The following CSMD1 variants were observed in gnomAD, a reference collection of about 807,000 sequenced individuals.
CSMD1 encodes the protein CUB and Sushi multiple domains 1.
CSMD1 carries 213 observed loss-of-function variants against 417.5 expected under a neutral mutation model. The observed-to-expected ratio is 0.51, with a 90% CI of 0.46 to 0.57. The LOEUF is 0.57. Ranked by LOEUF, CSMD1 falls within the 20% of genes least tolerant of loss-of-function variation. The probability of loss-of-function intolerance (pLI) is 0.00; values close to 1 mark genes in which losing one functional copy is unlikely to be tolerated. For missense variants in CSMD1, 6,923 were observed against 4,529.7 expected (o/e 1.53, Z -15.17); for synonymous variants, 2,862 against 1,736.8 (o/e 1.65, Z -16.11).
At chr8:3,153,180 G>A (rs1819307924) in intron 39 of CSMD1, among the ~76,000 whole-genome samples, 1 of 152,138 alleles carries the variant, frequency 6.6e-6, no homozygotes, top group African/African-American at 2.4e-5. Context: ...ACCTCTGGTT[G>A]TCCTCACTGC....
At chr8:3,116,033 C>A (rs1563059412) in intron 42 of CSMD1, among the ~76,000 whole-genome samples, 1 of 152,210 alleles carries the variant, frequency 6.6e-6, no homozygotes. Flanking sequence ...CTGGGAAAGA[C>A]TGAAGTGCCA....
chr8:4,637,597 G>A (rs758567042), intron 1 of CSMD1, 39 bp from the exon 2 acceptor site: 43 of 1,340,412 alleles, frequency 3.2e-5, no homozygotes, highest in Non-Finnish European at 4.3e-5. Context: ...ATATTATTCT[G>A]GCCATCTTTA....
intron 12 of CSMD1, among the ~76,000 whole-genome samples, chr8:3,428,790 T>C (rs1814019629): frequency 6.6e-6 from 1 of 152,130 alleles, no homozygotes; most frequent in Non-Finnish European, 1.5e-5. Context: ...ATAGCCAAGA[T>C]ACGGAAAGAA....
At chr8:4,503,890 C>T (rs1802387160) in intron 2 of CSMD1, among the ~76,000 whole-genome samples, 1 of 151,662 alleles carries the variant, frequency 6.6e-6, no homozygotes, top group South Asian at 2.1e-4. Context: ...ATTTTCCTCT[C>T]CTACCTGATT....
intron 5 of CSMD1, among the ~76,000 whole-genome samples, chr8:3,928,694 G>A (rs1046201390): frequency 1.3e-5 from 2 of 150,064 alleles, no homozygotes; most frequent in Non-Finnish European, 3.0e-5. Context: ...AATTGCTCCT[G>A]CTCTTTGGAT....
At chr8:3,945,577 A>G (rs1163485853) in intron 5 of CSMD1, among the ~76,000 whole-genome samples, 1 of 152,144 alleles carries the variant, frequency 6.6e-6, no homozygotes, top group Non-Finnish European at 1.5e-5. Flanking sequence ...AAATCTCTTA[A>G]AAGAACTCAC....
chr8:3,403,107 A>C (rs1442164330), intron 15 of CSMD1, among the ~76,000 whole-genome samples: 2 of 152,178 alleles, frequency 1.3e-5, no homozygotes, highest in African/African-American at 2.4e-5. Flanking sequence ...TTTAATTGGA[A>C]TATTACAGGG....
At chr8:4,311,553 T>G (rs1798572321) in intron 3 of CSMD1, among the ~76,000 whole-genome samples, 1 of 151,850 alleles carries the variant, frequency 6.6e-6, no homozygotes, top group African/African-American at 2.4e-5. Flanking sequence ...TGAAACCCTG[T>G]CTCTACTAAA....
chr8:4,425,548 G>C (rs949131626), intron 2 of CSMD1, among the ~76,000 whole-genome samples: 3 of 152,068 alleles, frequency 2.0e-5, no homozygotes, highest in Non-Finnish European at 4.4e-5. Context: ...GAGCTGGCAA[G>C]ACTCACTCCT....
At chr8:4,802,025 C>A (rs570629967) in intron 1 of CSMD1, among the ~76,000 whole-genome samples, 10 of 152,216 alleles carry the variant, frequency 6.6e-5, no homozygotes, top group African/African-American at 2.4e-4. Context: ...TGTAGACAGA[C>A]CATTTGCAAA....
intron 1 of CSMD1, among the ~76,000 whole-genome samples, chr8:4,829,097 G>A (rs565057872): frequency 7.2e-5 from 11 of 152,256 alleles, no homozygotes; most frequent in African/African-American, 2.2e-4. Context: ...TAACAAAGAG[G>A]TGGCTAATGG....
At chr8:4,974,122 T>A (rs890690400) in intron 1 of CSMD1, among the ~76,000 whole-genome samples, 3 of 152,138 alleles carry the variant, frequency 2.0e-5, no homozygotes, top group African/African-American at 7.2e-5. Flanking sequence ...TTGGGCTTGA[T>A]TCTTCTGCTT....
chr8:4,917,071 G>T (rs993057370), intron 1 of CSMD1, among the ~76,000 whole-genome samples: 1 of 152,174 alleles, frequency 6.6e-6, no homozygotes, highest in Admixed American at 6.5e-5. Context: ...AGGTTCGGTA[G>T]ACTATCTATA....
intron 15 of CSMD1, among the ~76,000 whole-genome samples, chr8:3,403,681 C>G (rs1812175894): frequency 6.6e-6 from 1 of 152,138 alleles, no homozygotes; most frequent in Non-Finnish European, 1.5e-5. Context: ...GTGTAGTGTT[C>G]ACTTTAAACT....
intron 26 of CSMD1, among the ~76,000 whole-genome samples, chr8:3,275,009 G>C (rs1328208339): frequency 7.0e-6 from 1 of 143,144 alleles, no homozygotes; most frequent in Non-Finnish European, 1.5e-5. Context: ...AGTTGATGCA[G>C]TTTCTTCCTA....
intron 2 of CSMD1, among the ~76,000 whole-genome samples, chr8:4,454,868 A>G (rs752580932): frequency 1.3e-5 from 2 of 152,192 alleles, no homozygotes; most frequent in Non-Finnish European, 2.9e-5. Flanking sequence ...AAAGAAACTT[A>G]ATCTAAATGG....
At position 3,022,802 on chromosome 8, in the gene CSMD1, G is replaced by C. The variant is rs184888462; in HGVS notation, c.7856-4152C>G. On this transcript the variant is annotated intron_variant, in intron 51 of 69. Coordinates refer to ENST00000635120, the MANE Select transcript of CSMD1 (RefSeq NM_033225.6). ...ATAAAAGGCTCAGTGGACTCACAATGGCTGTTTGCAAATACACGAAGGCAC... is the reference window on the plus strand; with the variant it reads ...ATAAAAGGCTCAGTGGACTCACAATCGCTGTTTGCAAATACACGAAGGCAC... Among the ~76,000 whole-genome samples the C allele has an allele frequency of 2.6e-5, 4 of 152,256 alleles. No homozygotes were observed. In the East Asian group the frequency reaches 7.7e-4, roughly 29 times the overall value.
In CSMD1 at chr8:2,937,140, T is replaced by C. The variant is rs920522871; in HGVS notation, c.*1445A>G. ...CTTCTACTTCATGTTTTGATTTTTA[T>C]TTGCCCTGGGGATCTTATAGATTTT... On this transcript the variant is annotated 3_prime_UTR_variant, in exon 70 of 70. Coordinates refer to ENST00000635120, the MANE Select transcript of CSMD1 (RefSeq NM_033225.6). The C allele has an allele frequency of 2.6e-5, 4 of 152,210 alleles. No individual in the cohort carries two copies. Among genetic ancestry groups the C allele is most frequent in the African/African-American group, 9.6e-5 (4 of 41,460 alleles). The allele number at this position is 152,210 out of a possible 1,614,324, so 9.4% of individuals were successfully genotyped here.
intron 7 of CSMD1, among the ~76,000 whole-genome samples, chr8:3,672,914 CT>C (rs1365960249): frequency 7.2e-5 from 11 of 152,144 alleles, no homozygotes; most frequent in Admixed American, 3.3e-4. Context: ...CTTAAAAAGC[CT>C]TTTCCAAGCT....
Sources: gnomAD v4.1 joint callset for allele counts (sites outside exome capture counted in the v4.1 genomes callset) on GRCh38, gnomAD v4.1.1 for gene constraint, MANE v1.5 for transcripts, NCBI Gene and HGNC (gene_info 2026-07-23, HGNC 2026-07-21) for gene names.